Variants in NRIP1 observed in about 807,000 individuals in gnomAD.
The protein encoded by NRIP1 is nuclear receptor-interacting protein 1.
In NRIP1, 28 loss-of-function variants were observed where a neutral mutation model predicts 75.0. The observed-to-expected ratio is 0.37, with a 90% confidence interval of 0.28 to 0.51. The LOEUF is 0.51. Among genes scored for constraint, NRIP1 ranks in the 20% least tolerant of loss-of-function variants. The pLI, the probability that NRIP1 is intolerant of heterozygous loss-of-function variation, is 0.92. For synonymous variants in NRIP1, 526 were observed against 487.6 expected, an observed-to-expected ratio of 1.08 and a Z score of -1.04; for missense variants, 1,435 against 1,343.7, an observed-to-expected ratio of 1.07 and a Z score of -1.06.
At chr21:15,013,821 T>A (rs955606843) in intron 3 of NRIP1, among the ~76,000 whole-genome samples, 9 of 152,188 alleles carry the variant, frequency 5.9e-5, no homozygotes, top group Non-Finnish European at 1.3e-4. Flanking sequence ...TTTTAATAAT[T>A]CCAAAAGTAA....
intron 2 of NRIP1, among the ~76,000 whole-genome samples, chr21:15,020,489 T>C (rs765953303): frequency 2.8e-4 from 43 of 152,102 alleles, no homozygotes; most frequent in Non-Finnish European, 5.0e-4. Flanking sequence ...ACACAACTTC[T>C]AGAAGAAGGA....
intron 2 of NRIP1, among the ~76,000 whole-genome samples, chr21:15,024,620 A>G (rs2088473033): frequency 6.7e-6 from 1 of 148,728 alleles, no homozygotes; most frequent in South Asian, 2.1e-4. Flanking sequence ...GTCCTATAAC[A>G]TTTTAATTAA....
At chr21:15,027,927 T>C in intron 2 of NRIP1, among the ~76,000 whole-genome samples, 1 of 152,210 alleles carries the variant, frequency 6.6e-6, no homozygotes, top group East Asian at 1.9e-4. Flanking sequence ...ATATTTATTA[T>C]ATGGTACTTC....
chr21:15,047,594 C>T (rs2089111731), intron 1 of NRIP1, among the ~76,000 whole-genome samples: 1 of 152,156 alleles, frequency 6.6e-6, no homozygotes, highest in South Asian at 2.1e-4. Context: ...CTCATGAGAA[C>T]TCACTATCAC....
chr21:15,019,470 C>CTTTTTTTTTTTTTTTTTTTTTTTT (rs539278321), intron 2 of NRIP1, among the ~76,000 whole-genome samples: 1 of 38,696 alleles, frequency 2.6e-5, no homozygotes, highest in East Asian at 9.2e-4. Flanking sequence ...AACTGCATTT[C>CTTTTTTTTTTTTTTTTTTTTTTTT]TTTTTTTTTT....
At chr21:15,048,979 CGT>C (rs145675324) in intron 1 of NRIP1, among the ~76,000 whole-genome samples, 12,327 of 152,070 alleles carry the variant, frequency 0.081, 667 homozygotes, top group East Asian at 0.22. Context: ...CACACACACA[CGT>C]ATTCATTTTA....
rs149778825 is a variant in NRIP1 at position 14,994,041 on chromosome 21, C to T, written c.-335+20303G>A. 5.9e-5 allele frequency among the ~76,000 whole-genome samples: 9 copies of T among 152,212 alleles called. No individual in the cohort carries two copies. In the East Asian group the frequency reaches 1.7e-3, roughly 29 times the overall value. ...CCTTGGTACTTTCAATCATATGACA[C>T]TGCTTAGTCACAATAAGCGTATTGA... On this transcript the variant is annotated intron_variant, in intron 3 of 3. Coordinates refer to ENST00000318948, the MANE Select transcript of NRIP1 (RefSeq NM_003489.4).
chr21:14,965,047 G>A lies in NRIP1; in HGVS notation c.3146C>T (p.Ala1049Val), dbSNP rs144752170. 3.7e-5 allele frequency: 59 copies of A among 1,613,604 alleles called. No homozygotes were observed. Among genetic ancestry groups the A allele is most frequent in the Non-Finnish European group, 4.7e-5 (55 of 1,179,886 alleles). Reference protein sequence around the residue: ...KGPIKWVITDAEKNEYEKDSP... With the variant: ...KGPIKWVITDVEKNEYEKDSP... ...GTCTTTTTCATACTCATTCTTCTCC[G>A]CATCAGTGATAACCCACTTAATGGG... Residue 1049 changes from alanine to valine, a missense_variant, in exon 4 of 4, where the codon GCG becomes GTG. Ala to Val is a moderately conservative substitution (Grantham distance 64). Transcript: ENST00000318948.
intron 3 of NRIP1, among the ~76,000 whole-genome samples, chr21:14,968,900 G>C (rs933990038): frequency 6.6e-6 from 1 of 152,146 alleles, no homozygotes; most frequent in African/African-American, 2.4e-5. Flanking sequence ...AGGGGAACTA[G>C]AACTTGCTTC....
chr21:15,059,485 T>A (rs369469133), intron 1 of NRIP1, among the ~76,000 whole-genome samples: 33 of 152,166 alleles, frequency 2.2e-4, no homozygotes, highest in East Asian at 1.4e-3. Flanking sequence ...TATTATTATT[T>A]TTTTTTGCTA....
chr21:14,975,200 T>C (rs570533950), intron 3 of NRIP1, among the ~76,000 whole-genome samples: 186 of 145,322 alleles, frequency 1.3e-3, no homozygotes, highest in African/African-American at 4.1e-3. Flanking sequence ...GTATTGCTTA[T>C]ATAATCAATA....
At chr21:15,015,791 G>C (rs926641218) in intron 2 of NRIP1, among the ~76,000 whole-genome samples, 6 of 152,072 alleles carry the variant, frequency 3.9e-5, no homozygotes, top group African/African-American at 1.4e-4. Flanking sequence ...TCTGCATTTA[G>C]AGGTAATTGT....
At chr21:14,991,624 G>C (rs1011607005) in intron 3 of NRIP1, among the ~76,000 whole-genome samples, 4 of 152,234 alleles carry the variant, frequency 2.6e-5, no homozygotes, top group Admixed American at 6.5e-5. Context: ...CAAAAAGGGA[G>C]ACTTGTAAGT....
At chr21:14,989,148 C>T (rs1462461767) in intron 3 of NRIP1, among the ~76,000 whole-genome samples, 1 of 152,196 alleles carries the variant, frequency 6.6e-6, no homozygotes, top group Non-Finnish European at 1.5e-5. Flanking sequence ...TTATGTAAGA[C>T]AAACTGCACA....
intron 2 of NRIP1, among the ~76,000 whole-genome samples, chr21:15,014,697 C>T (rs1390873570): frequency 1.3e-5 from 2 of 152,098 alleles, no homozygotes; most frequent in East Asian, 3.9e-4. Context: ...ACAAAATAAG[C>T]TGTGAAAAAG....
chr21:15,036,678 A>G (rs2088840558), intron 2 of NRIP1, among the ~76,000 whole-genome samples: 2 of 148,570 alleles, frequency 1.3e-5, no homozygotes, highest in African/African-American at 2.5e-5. Context: ...CTAATCAAAT[A>G]AAAAAAAAAG....
chr21:15,054,300 G>A (rs1171605244), intron 1 of NRIP1, among the ~76,000 whole-genome samples: 4 of 152,210 alleles, frequency 2.6e-5, no homozygotes, highest in East Asian at 1.9e-4. Context: ...CCCAGCTGGC[G>A]GGTCCCTTTG....
intron 1 of NRIP1, among the ~76,000 whole-genome samples, chr21:15,058,911 A>G (rs2089363115): frequency 6.6e-6 from 1 of 152,212 alleles, no homozygotes. Flanking sequence ...TCACATAGCT[A>G]GATAAGAAAG....
At chr21:14,978,303 A>G (rs1217285573) in intron 3 of NRIP1, among the ~76,000 whole-genome samples, 1 of 152,224 alleles carries the variant, frequency 6.6e-6, no homozygotes, top group Non-Finnish European at 1.5e-5. Context: ...TTAACGAGAA[A>G]GATGATATGC....
Sources: gnomAD v4.1 joint callset for allele counts (sites outside exome capture counted in the v4.1 genomes callset) on GRCh38, gnomAD v4.1.1 for gene constraint, MANE v1.5 for transcripts, NCBI Gene and HGNC (gene_info 2026-07-23, HGNC 2026-07-21) for gene names.